DEFB125: variants seen among roughly 807,000 people sequenced by gnomAD.
The protein encoded by DEFB125 is defensin beta 125, also known as beta-defensin 125.
DEFB125 carries 11 observed loss-of-function variants against 11.8 expected under a neutral mutation model. That is an observed-to-expected ratio of 0.94 (90% confidence interval 0.59 to 1.55). DEFB125 has a LOEUF of 1.55. Ranked by LOEUF, DEFB125 falls within the 40% of genes most tolerant of loss-of-function variation. The probability of loss-of-function intolerance (pLI) is 0.00; values close to 1 mark genes in which losing one functional copy is unlikely to be tolerated. For synonymous variants in DEFB125, 79 were observed against 66.7 expected (o/e 1.18, Z -0.90); for missense variants, 198 against 191.2 (o/e 1.04, Z -0.21).
intron 1 of DEFB125, among the ~76,000 whole-genome samples, chr20:92,121 G>T (rs1270458475): frequency 6.6e-6 from 1 of 151,982 alleles, no homozygotes; most frequent in Admixed American, 6.6e-5. Context: ...TTCAAATAAG[G>T]TTGTTTAGAA....
chr20:88,112 T>C (rs549941770), intron 1 of DEFB125, among the ~76,000 whole-genome samples: 1 of 152,314 alleles, frequency 6.6e-6, no homozygotes, highest in South Asian at 2.1e-4. Context: ...CATTGTTGTG[T>C]CCTATTAGTT....
At chr20:93,346 T>C (rs2054503549) in intron 1 of DEFB125, among the ~76,000 whole-genome samples, 1 of 152,196 alleles carries the variant, frequency 6.6e-6, no homozygotes, top group Non-Finnish European at 1.5e-5. Flanking sequence ...AAGCTTTCCC[T>C]TAACCTTACA....
intron 1 of DEFB125, among the ~76,000 whole-genome samples, chr20:92,769 G>T (rs2054501134): frequency 1.3e-5 from 2 of 151,606 alleles, no homozygotes; most frequent in African/African-American, 4.8e-5. Context: ...CCTCTACATG[G>T]CTCTCCCCCT....
At chr20:93,119 C>G (rs540884306) in intron 1 of DEFB125, among the ~76,000 whole-genome samples, 25 of 151,914 alleles carry the variant, frequency 1.6e-4, no homozygotes, top group Admixed American at 5.9e-4. Flanking sequence ...TACAGGTGCT[C>G]GCCACCATGC....
chr20:91,891 C>T (rs2054497403), intron 1 of DEFB125, among the ~76,000 whole-genome samples: 1 of 152,012 alleles, frequency 6.6e-6, no homozygotes, highest in Admixed American at 6.6e-5. Flanking sequence ...AGACTTGAAA[C>T]TTATAGAAAA....
rs73562751 is a variant in DEFB125 at position 90,279 on chromosome 20, A to G, written c.58+2512A>G. 5.0e-3 allele frequency among the ~76,000 whole-genome samples: 760 copies of G among 151,176 alleles called. 8 individuals carry two copies. Among genetic ancestry groups the G allele is most frequent in the African/African-American group, 0.018 (729 of 41,292 alleles). On this transcript the variant is annotated intron_variant, in intron 1 of 1. Transcript: ENST00000382410. ...AAAAAAATGACTGTTGTCACTTTAG[A>G]AAAAAAAAATTATGAATTATTCCCA...
Position 96,689 on chromosome 20 carries a change from C to A in DEFB125, c.*272C>A. 2.7e-6 allele frequency: 1 copy of A among 373,042 alleles called. No individual in the cohort carries two copies. 23.1% of individuals were successfully genotyped at this position (373,042 alleles called of 1,614,324 possible). A position where few individuals can be genotyped will look rare whatever the true frequency, so the allele number is the denominator to read the frequency against. On this transcript the variant is annotated 3_prime_UTR_variant, in exon 2 of 2. Coordinates refer to ENST00000382410, the MANE Select transcript of DEFB125 (RefSeq NM_153325.4). The stretch of plus-strand genomic sequence containing the variant: ...CCTCCGATGTACTCAAATATATGAG[C>A]TAATTTTTGTCTTAAGTGAACATTT...
intron 1 of DEFB125, among the ~76,000 whole-genome samples, chr20:92,279 A>G (rs1376548963): frequency 1.3e-5 from 2 of 152,032 alleles, no homozygotes; most frequent in Non-Finnish European, 2.9e-5. Flanking sequence ...TGCTTGATAA[A>G]TGAACATACA....
chr20:93,629 C>G (rs2054504494), intron 1 of DEFB125, among the ~76,000 whole-genome samples: 1 of 152,170 alleles, frequency 6.6e-6, no homozygotes, highest in Non-Finnish European at 1.5e-5. Context: ...CTTTAAGAAA[C>G]AGTCTCCTCT....
intron 1 of DEFB125, among the ~76,000 whole-genome samples, chr20:93,047 T>C (rs1049248665): frequency 6.6e-6 from 1 of 150,870 alleles, no homozygotes; most frequent in Non-Finnish European, 1.5e-5. Flanking sequence ...CTTGGCTTAC[T>C]GCAACCTTCG....
At chr20:91,039 A>G (rs1214289307) in intron 1 of DEFB125, among the ~76,000 whole-genome samples, 2 of 152,146 alleles carry the variant, frequency 1.3e-5, no homozygotes, top group East Asian at 3.8e-4. Flanking sequence ...TTTAAAAATT[A>G]CCATCCTTAC....
chr20:91,991 G>T (rs60387861), intron 1 of DEFB125, among the ~76,000 whole-genome samples: 2,244 of 152,220 alleles, frequency 0.015, 59 homozygotes, highest in African/African-American at 0.05. Context: ...TAAATAATTG[G>T]TGAAGCTGGA....
chr20:92,752 C>A (rs1275906892), intron 1 of DEFB125, among the ~76,000 whole-genome samples: 1 of 151,992 alleles, frequency 6.6e-6, no homozygotes, highest in Non-Finnish European at 1.5e-5. Context: ...TATTTTCCTG[C>A]TCCTCTCCTC....
Position 96,595 on chromosome 20 carries a change from A to G in DEFB125, c.*178A>G. ...CAAGAGAGTTGCCTTACAATTAGAA[A>G]TGTGTAGACAGAAATGTATAGAAGA... On this transcript the variant is annotated 3_prime_UTR_variant, in exon 2 of 2. Coordinates refer to ENST00000382410, the MANE Select transcript of DEFB125 (RefSeq NM_153325.4). 1.5e-6 allele frequency: 1 copy of G among 681,164 alleles called. No homozygotes were observed. The highest frequency in any genetic ancestry group is 2.7e-5 in the East Asian group (1 of 37,088). 42.2% of individuals were successfully genotyped at this position (681,164 alleles called of 1,614,324 possible).
chr20:92,969 CTTTTTT>C (rs33976266), intron 1 of DEFB125, among the ~76,000 whole-genome samples: 5 of 116,076 alleles, frequency 4.3e-5, no homozygotes, highest in Non-Finnish European at 7.2e-5. Flanking sequence ...TCCTTTTCTG[CTTTTTT>C]TTTTTTTTTT....
At chr20:89,564 C>T (rs564851868) in intron 1 of DEFB125, among the ~76,000 whole-genome samples, 1 of 152,040 alleles carries the variant, frequency 6.6e-6, no homozygotes, top group African/African-American at 2.4e-5. Context: ...AATTACTTAG[C>T]CAAATTGTTT....
intron 1 of DEFB125, among the ~76,000 whole-genome samples, chr20:89,039 T>C (rs1007046025): frequency 7.2e-5 from 11 of 152,204 alleles, no homozygotes; most frequent in Non-Finnish European, 1.5e-4. Flanking sequence ...CAGTCTAATA[T>C]GTGAAAATGA....
chr20:91,236 A>T (rs558364971), intron 1 of DEFB125, among the ~76,000 whole-genome samples: 53 of 152,274 alleles, frequency 3.5e-4, no homozygotes, highest in Admixed American at 1.3e-3. Flanking sequence ...GATAGCTTGC[A>T]AATATTTTCT....
At chr20:95,057 T>C (rs1234035839) in intron 1 of DEFB125, among the ~76,000 whole-genome samples, 1 of 152,202 alleles carries the variant, frequency 6.6e-6, no homozygotes, top group Non-Finnish European at 1.5e-5. Flanking sequence ...CACCTTTTCT[T>C]GGATTTCTTG....
Sources: allele counts gnomAD v4.1 joint callset (sites outside exome capture counted in the v4.1 genomes callset), GRCh38; gene constraint gnomAD v4.1.1; transcripts MANE v1.5; gene names NCBI Gene and HGNC (gene_info 2026-07-23, HGNC 2026-07-21).